The following MAGI1 variants were observed in gnomAD, a reference collection of about 807,000 sequenced individuals.
MAGI1 encodes membrane associated guanylate kinase, WW and PDZ domain containing 1.
In MAGI1, 58 loss-of-function variants were observed where a neutral mutation model predicts 139.9. That is an observed-to-expected ratio of 0.41 (90% CI 0.34 to 0.52). The LOEUF (loss-of-function observed/expected upper bound fraction) is 0.52, where lower values mean the gene tolerates loss of function less well. Ranked by LOEUF, MAGI1 falls within the 20% of genes least tolerant of loss-of-function variation. The pLI, the probability that MAGI1 is intolerant of heterozygous loss-of-function variation, is 0.12. For synonymous variants in MAGI1, 812 were observed against 737.9 expected, an observed-to-expected ratio of 1.10 and a Z score of -1.63; for missense variants, 1,874 against 1,901.6, an observed-to-expected ratio of 0.99 and a Z score of 0.27.
At chr3:65,508,905 G>A (rs1362613815) in intron 2 of MAGI1, among the ~76,000 whole-genome samples, 2 of 152,160 alleles carry the variant, frequency 1.3e-5, no homozygotes, top group Non-Finnish European at 2.9e-5. Context: ...GCTGATCAAG[G>A]GCAAAGAGAG....
At chr3:65,888,487 T>C (rs1460596437) in intron 1 of MAGI1, among the ~76,000 whole-genome samples, 2 of 152,172 alleles carry the variant, frequency 1.3e-5, no homozygotes, top group African/African-American at 4.8e-5. Flanking sequence ...CATGTTGGAA[T>C]ACATTGCAAG....
intron 14 of MAGI1, 44 bp downstream of exon 14, chr3:65,391,098 C>T (rs1264861830): frequency 6.5e-7 from 1 of 1,533,554 alleles, no homozygotes; most frequent in Admixed American, 1.7e-5. Flanking sequence ...AGGTAGAGCC[C>T]TGCGGAGGGG....
At chr3:66,002,227 A>C (rs1011151587) in intron 1 of MAGI1, among the ~76,000 whole-genome samples, 1 of 152,232 alleles carries the variant, frequency 6.6e-6, no homozygotes, top group East Asian at 1.9e-4. Context: ...AATTTGCAGA[A>C]AAGAAAAAAA....
At chr3:65,374,611 T>A (rs1442331332) in intron 18 of MAGI1, among the ~76,000 whole-genome samples, 2 of 152,162 alleles carry the variant, frequency 1.3e-5, no homozygotes, top group African/African-American at 2.4e-5. Flanking sequence ...AGACACCGCA[T>A]TCAGCCTCAA....
chr3:65,819,216 G>T (rs1020856086), intron 1 of MAGI1, among the ~76,000 whole-genome samples: 1 of 152,056 alleles, frequency 6.6e-6, no homozygotes, highest in African/African-American at 2.4e-5. Flanking sequence ...CCTGGGAGGC[G>T]GAGGTTGCGG....
chr3:65,466,386 C>T (rs894052183), intron 5 of MAGI1, among the ~76,000 whole-genome samples: 3 of 151,964 alleles, frequency 2.0e-5, no homozygotes, highest in Non-Finnish European at 4.4e-5. Context: ...CTAATATGGC[C>T]GAAAAGAGGA....
rs371827474 is a variant in MAGI1 at position 65,638,019 on chromosome 3, A to G, written c.314-15931T>C. On this transcript the variant is annotated intron_variant, in intron 1 of 22. Transcript: ENST00000402939. Reference sequence around the variant, plus strand: ...ATGTGACTGAACAAGTGAGTGAATAAAGGATGATACTGCTAATTAAAATGA... The same window carrying G: ...ATGTGACTGAACAAGTGAGTGAATAGAGGATGATACTGCTAATTAAAATGA... Among the ~76,000 whole-genome samples, 3 of 152,178 alleles carry G rather than the reference A, an allele frequency of 2.0e-5. No individual in the cohort carries two copies. In the East Asian group the frequency reaches 5.8e-4, roughly 29 times the overall value.
At chr3:65,891,241 A>G (rs1345577218) in intron 1 of MAGI1, among the ~76,000 whole-genome samples, 1 of 151,978 alleles carries the variant, frequency 6.6e-6, no homozygotes, top group Non-Finnish European at 1.5e-5. Flanking sequence ...AAAGAAAGAA[A>G]CCAATAACAA....
intron 1 of MAGI1, among the ~76,000 whole-genome samples, chr3:65,765,697 A>G (rs1262067318): frequency 6.6e-6 from 1 of 152,182 alleles, no homozygotes; most frequent in Non-Finnish European, 1.5e-5. Flanking sequence ...TTAATTTTGT[A>G]AAGAACTTAA....
chr3:65,772,662 C>T (rs532416455), intron 1 of MAGI1, among the ~76,000 whole-genome samples: 4 of 152,264 alleles, frequency 2.6e-5, no homozygotes, highest in South Asian at 2.1e-4. Context: ...AAAAGGAAAA[C>T]GAGACAGCAT....
chr3:65,950,078 C>CAAAAAAAACAAA, intron 1 of MAGI1, among the ~76,000 whole-genome samples: 1 of 40,340 alleles, frequency 2.5e-5, no homozygotes, highest in Non-Finnish European at 3.7e-5. Context: ...AAAAAAAAAA[C>CAAAAAAAACAAA]AAAAAAAAAA....
intron 1 of MAGI1, among the ~76,000 whole-genome samples, chr3:65,948,325 T>C (rs2063640744): frequency 6.6e-6 from 1 of 152,190 alleles, no homozygotes; most frequent in Non-Finnish European, 1.5e-5. Flanking sequence ...ATCTCCAGCC[T>C]TCCTAAATGA....
chr3:65,539,212 G>A (rs1228431864), intron 2 of MAGI1, among the ~76,000 whole-genome samples: 1 of 151,880 alleles, frequency 6.6e-6, no homozygotes, highest in Non-Finnish European at 1.5e-5. Context: ...CCATCAACTG[G>A]AAACACATAC....
intron 1 of MAGI1, among the ~76,000 whole-genome samples, chr3:65,798,509 G>T (rs147596213): frequency 6.6e-6 from 1 of 152,148 alleles, no homozygotes; most frequent in Non-Finnish European, 1.5e-5. Context: ...GCCAAGATAG[G>T]TGTAGGGGTG....
intron 2 of MAGI1, among the ~76,000 whole-genome samples, chr3:65,494,692 T>G (rs1203734578): frequency 6.6e-6 from 1 of 152,234 alleles, no homozygotes; most frequent in Non-Finnish European, 1.5e-5. Flanking sequence ...TTCGTTGAAA[T>G]GTAATGCAAT....
At chr3:66,024,390 C>T (rs28645274) in intron 1 of MAGI1, among the ~76,000 whole-genome samples, 65,503 of 149,802 alleles carry the variant, frequency 0.44, 15,847 homozygotes, top group African/African-American at 0.63. Context: ...CTAGAAACAC[C>T]GGGCCAATGT....
At chr3:65,540,133 GCAACTTATGCTATAA>G (rs1473162645) in intron 2 of MAGI1, among the ~76,000 whole-genome samples, 6 of 152,214 alleles carry the variant, frequency 3.9e-5, no homozygotes, top group African/African-American at 1.4e-4. Context: ...ACATACAACA[GCAACTTATGCTATAA>G]CAACTTATGC....
intron 12 of MAGI1, among the ~76,000 whole-genome samples, chr3:65,411,880 G>A (rs560203570): frequency 6.6e-6 from 1 of 152,038 alleles, no homozygotes; most frequent in East Asian, 1.9e-4. Flanking sequence ...GTCTCCAAAC[G>A]CATTCTGAAT....
rs538258582 is a variant in MAGI1 at position 65,378,173 on chromosome 3, G to A, written c.2995+1088C>T. Among the ~76,000 whole-genome samples the A allele has an allele frequency of 1.4e-4, 21 of 152,220 alleles. No individual in the cohort carries two copies. In the East Asian group the frequency reaches 4.1e-3, roughly 29 times the overall value. ...CATCTATAATCAATCCATTGCAATG[G>A]GAAGCAGATTCATATATCACTAGTT... On this transcript the variant is annotated intron_variant, in intron 17 of 22. Coordinates refer to ENST00000402939, the MANE Select transcript of MAGI1 (RefSeq NM_001033057.2).
Sources: allele counts gnomAD v4.1 joint callset (sites outside exome capture counted in the v4.1 genomes callset), GRCh38; gene constraint gnomAD v4.1.1; transcripts MANE v1.5; gene names NCBI Gene and HGNC (gene_info 2026-07-23, HGNC 2026-07-21).